Variants in CTNNA2 observed in about 807,000 individuals in gnomAD.
CTNNA2 encodes the protein catenin alpha-2.
In CTNNA2, 42 loss-of-function variants were observed where a neutral mutation model predicts 101.0. The ratio of observed to expected loss-of-function variants is 0.42; its 90% CI spans 0.32 to 0.54. The LOEUF (loss-of-function observed/expected upper bound fraction) is 0.54. Among genes scored for constraint, CTNNA2 ranks in the 20% least tolerant of loss-of-function variants. CTNNA2 has a pLI of 0.14. For missense variants in CTNNA2, 871 were observed against 1,223.1 expected, an observed-to-expected ratio of 0.71 and a Z score of 4.29; for synonymous variants, 450 against 456.4, an observed-to-expected ratio of 0.99 and a Z score of 0.18.
chr2:79,852,541 G>T (rs952903955), intron 3 of CTNNA2, among the ~76,000 whole-genome samples: 1 of 152,160 alleles, frequency 6.6e-6, no homozygotes, highest in Non-Finnish European at 1.5e-5. Flanking sequence ...TCCAATACTT[G>T]CCATTGCTGA....
chr2:79,323,906 T>C (rs1676683886), intron 3 of CTNNA2, among the ~76,000 whole-genome samples: 1 of 152,194 alleles, frequency 6.6e-6, no homozygotes, highest in African/African-American at 2.4e-5. Flanking sequence ...ATTATCTTGT[T>C]AACACCCTAA....
intron 1 of CTNNA2, among the ~76,000 whole-genome samples, chr2:79,522,047 C>T (rs966334708): frequency 1.3e-5 from 2 of 152,172 alleles, no homozygotes; most frequent in African/African-American, 4.8e-5. Context: ...AAATCAGGAC[C>T]TCAGGCAAGA....
chr2:79,724,418 T>A (rs944265133), intron 2 of CTNNA2, among the ~76,000 whole-genome samples: 5 of 152,042 alleles, frequency 3.3e-5, no homozygotes, highest in African/African-American at 1.2e-4. Context: ...CTAGGAACCT[T>A]CATGAACAAC....
chr2:80,001,784 G>C (rs1441616417), intron 7 of CTNNA2, among the ~76,000 whole-genome samples: 3 of 152,190 alleles, frequency 2.0e-5, no homozygotes, highest in Non-Finnish European at 4.4e-5. Flanking sequence ...TACCAGGACA[G>C]TGCTGTCGTC....
At chr2:79,612,352 C>A (rs1678331115) in intron 1 of CTNNA2, among the ~76,000 whole-genome samples, 1 of 152,106 alleles carries the variant, frequency 6.6e-6, no homozygotes, top group African/African-American at 2.4e-5. Flanking sequence ...TATTTTTGAA[C>A]AACAGTTTCT....
chr2:79,783,176 A>G lies in CTNNA2; in HGVS notation c.298+38594A>G, dbSNP rs762312404. The stretch of plus-strand genomic sequence containing the variant: ...TGCTGAGGGAGAACAAGTGGCTTAT[A>G]GAAATCATAGGTCTGCCAGAGGCTG... On this transcript the variant is annotated intron_variant, in intron 3 of 18. Coordinates refer to ENST00000402739, the MANE Select transcript of CTNNA2 (RefSeq NM_001282597.3). Among the ~76,000 whole-genome samples, 3 of 152,314 alleles carry G rather than the reference A, an allele frequency of 2.0e-5. No homozygotes were observed. The South Asian group carries it at 6.2e-4, about 32-fold the overall frequency.
intron 3 of CTNNA2, among the ~76,000 whole-genome samples, chr2:79,748,631 A>G (rs1351033161): frequency 6.6e-6 from 1 of 152,098 alleles, no homozygotes; most frequent in East Asian, 1.9e-4. Context: ...AAGTTTCACA[A>G]CATTCATTAT....
At chr2:79,254,294 A>AT (rs879394156) in intron 2 of CTNNA2, among the ~76,000 whole-genome samples, 5 of 152,208 alleles carry the variant, frequency 3.3e-5, no homozygotes, top group Admixed American at 6.5e-5. Context: ...TCCCTCCCAA[A>AT]TCTCATGTCA....
chr2:79,346,566 T>C (rs1003592915), intron 3 of CTNNA2, among the ~76,000 whole-genome samples: 4 of 152,156 alleles, frequency 2.6e-5, no homozygotes, highest in African/African-American at 9.7e-5. Flanking sequence ...GATCCCTCCT[T>C]GAAGCCCATT....
At chr2:79,738,668 C>T (rs929807358) in intron 2 of CTNNA2, among the ~76,000 whole-genome samples, 7 of 152,070 alleles carry the variant, frequency 4.6e-5, no homozygotes, top group African/African-American at 7.2e-5. Context: ...ATTGAGTCAA[C>T]GGCACTAAAT....
intron 3 of CTNNA2, among the ~76,000 whole-genome samples, chr2:79,334,500 CA>C (rs910895474): frequency 3.9e-5 from 6 of 151,994 alleles, no homozygotes; most frequent in African/African-American, 1.2e-4. Context: ...ATCCTGAGGG[CA>C]GGGCATGTTG....
At chr2:79,209,486 C>T (rs973703665) in intron 2 of CTNNA2, among the ~76,000 whole-genome samples, 8 of 152,196 alleles carry the variant, frequency 5.3e-5, no homozygotes, top group African/African-American at 1.4e-4. Flanking sequence ...ACCTGGTTCT[C>T]TCATTAAATG....
intron 7 of CTNNA2, among the ~76,000 whole-genome samples, chr2:79,941,781 G>A (rs1282130182): frequency 6.6e-6 from 1 of 151,980 alleles, no homozygotes; most frequent in Non-Finnish European, 1.5e-5. Context: ...ACCATGCCGG[G>A]CTAATTTTTG....
chr2:80,060,009 G>T (rs553085638), intron 7 of CTNNA2, among the ~76,000 whole-genome samples: 3 of 152,228 alleles, frequency 2.0e-5, no homozygotes, highest in Admixed American at 2.0e-4. Flanking sequence ...AACTATTTAG[G>T]TACTGAATAA....
At chr2:79,826,608 G>A (rs1678456414) in intron 3 of CTNNA2, among the ~76,000 whole-genome samples, 1 of 152,228 alleles carries the variant, frequency 6.6e-6, no homozygotes, top group Admixed American at 6.5e-5. Flanking sequence ...AGTGTTACAA[G>A]TCGTAATGCC....
At chr2:80,620,501 C>A (rs1671004967) in intron 18 of CTNNA2, among the ~76,000 whole-genome samples, 1 of 151,812 alleles carries the variant, frequency 6.6e-6, no homozygotes, top group Non-Finnish European at 1.5e-5. Context: ...AGTTTTCTAA[C>A]CTAAATAAGT....
chr2:80,500,136 T>C (rs1687768663), intron 9 of CTNNA2, among the ~76,000 whole-genome samples: 1 of 152,174 alleles, frequency 6.6e-6, no homozygotes, highest in Admixed American at 6.6e-5. Context: ...TTTAGCCATA[T>C]TATGCAGCCC....
chr2:79,226,946 C>G (rs1449877750), intron 2 of CTNNA2, among the ~76,000 whole-genome samples: 1 of 151,948 alleles, frequency 6.6e-6, no homozygotes, highest in African/African-American at 2.4e-5. Context: ...AACCATTCAG[C>G]TGCTCAGATG....
chr2:80,414,113 G>T (rs563941247), intron 8 of CTNNA2, among the ~76,000 whole-genome samples: 1 of 152,208 alleles, frequency 6.6e-6, no homozygotes, highest in Admixed American at 6.5e-5. Flanking sequence ...GGCTTCAACT[G>T]CAGGGAAGGT....
Sources: gnomAD v4.1 joint callset for allele counts (sites outside exome capture counted in the v4.1 genomes callset) on GRCh38, gnomAD v4.1.1 for gene constraint, MANE v1.5 for transcripts, NCBI Gene and HGNC (gene_info 2026-07-23, HGNC 2026-07-21) for gene names.